Variants in FRMD5 observed in about 807,000 individuals in gnomAD.
FRMD5 encodes the protein FERM domain containing 5, also known as FERM domain-containing protein 5.
FRMD5 carries 20 observed loss-of-function variants against 69.0 expected under a neutral mutation model. That is an observed-to-expected ratio of 0.29 (90% CI 0.20 to 0.42). The LOEUF (loss-of-function observed/expected upper bound fraction) is 0.42. FRMD5 is among the 10% of genes least tolerant of loss of function. The pLI is 1.00. For synonymous variants in FRMD5, 271 were observed against 260.1 expected, an observed-to-expected ratio of 1.04 and a Z score of -0.40; for missense variants, 595 against 708.6, an observed-to-expected ratio of 0.84 and a Z score of 1.82.
At chr15:44,119,453 T>G (rs1288785342) in intron 1 of FRMD5, among the ~76,000 whole-genome samples, 2 of 152,200 alleles carry the variant, frequency 1.3e-5, no homozygotes, top group Non-Finnish European at 2.9e-5. Context: ...TTTTTCTTTC[T>G]TGTTTCCAAA....
intron 1 of FRMD5, among the ~76,000 whole-genome samples, chr15:44,158,773 C>G (rs2077566352): frequency 6.6e-6 from 1 of 152,198 alleles, no homozygotes; most frequent in South Asian, 2.1e-4. Flanking sequence ...ATTTGCATAG[C>G]TGATAGGAAG....
intron 1 of FRMD5, among the ~76,000 whole-genome samples, chr15:44,009,144 T>C (rs1890597879): frequency 6.6e-6 from 1 of 152,112 alleles, no homozygotes; most frequent in African/African-American, 2.4e-5. Context: ...CAAATAAAAA[T>C]AAGGAAATGA....
intron 1 of FRMD5, among the ~76,000 whole-genome samples, chr15:44,157,008 G>A (rs920120572): frequency 1.3e-5 from 2 of 152,040 alleles, no homozygotes; most frequent in African/African-American, 4.8e-5. Context: ...TGGAGGTCAG[G>A]GATGAGACAA....
chr15:44,049,233 AGTT>A (rs1345343012), intron 1 of FRMD5, among the ~76,000 whole-genome samples: 4 of 152,202 alleles, frequency 2.6e-5, no homozygotes, highest in African/African-American at 9.6e-5. Context: ...CTCTAACCAG[AGTT>A]GTTAAGAAGT....
At chr15:44,120,763 C>T (rs1334063782) in intron 1 of FRMD5, among the ~76,000 whole-genome samples, 1 of 151,676 alleles carries the variant, frequency 6.6e-6, no homozygotes. Flanking sequence ...CTCCTGACCT[C>T]GTGATCCGCC....
chr15:43,874,680 G>A (rs1339222333), intron 13 of FRMD5, among the ~76,000 whole-genome samples: 5 of 151,690 alleles, frequency 3.3e-5, no homozygotes, highest in African/African-American at 9.7e-5. Flanking sequence ...TGGGTGGATC[G>A]CTTGAGGTCA....
At chr15:44,131,382 T>C (rs1011742246) in intron 1 of FRMD5, among the ~76,000 whole-genome samples, 6 of 92,302 alleles carry the variant, frequency 6.5e-5, no homozygotes, top group Non-Finnish European at 1.2e-4. Flanking sequence ...TGGAAAACAA[T>C]ACGGCAATTC....
chr15:44,038,918 G>A (rs1892056791), intron 1 of FRMD5, among the ~76,000 whole-genome samples: 1 of 152,212 alleles, frequency 6.6e-6, no homozygotes, highest in African/African-American at 2.4e-5. Flanking sequence ...ATAGAGCCGA[G>A]CAAGCTAAGA....
At chr15:43,969,268 G>T (rs2090340845) in intron 1 of FRMD5, among the ~76,000 whole-genome samples, 1 of 151,924 alleles carries the variant, frequency 6.6e-6, no homozygotes, top group South Asian at 2.1e-4. Context: ...TTTTTGTAGG[G>T]ATGGGGTCTT....
intron 1 of FRMD5, among the ~76,000 whole-genome samples, chr15:43,985,872 G>A (rs1302543448): frequency 6.6e-6 from 1 of 152,200 alleles, no homozygotes; most frequent in East Asian, 1.9e-4. Context: ...ACTTCACTAA[G>A]ATGAAGTTAG....
chr15:44,183,045 A>G (rs540627966), intron 1 of FRMD5, among the ~76,000 whole-genome samples: 12 of 151,306 alleles, frequency 7.9e-5, no homozygotes, highest in Middle Eastern at 3.4e-3. Context: ...TGATCCGCCC[A>G]CCTTGGCCTC....
intron 1 of FRMD5, among the ~76,000 whole-genome samples, chr15:43,951,470 T>C (rs1013055907): frequency 6.6e-6 from 1 of 151,932 alleles, no homozygotes; most frequent in African/African-American, 2.4e-5. Context: ...CTGTTGATTG[T>C]AGTTGCCCTA....
chr15:44,163,724 G>A (rs1430541223), intron 1 of FRMD5, among the ~76,000 whole-genome samples: 2 of 152,140 alleles, frequency 1.3e-5, no homozygotes, highest in African/African-American at 2.4e-5. Flanking sequence ...ACTTAAAAGG[G>A]AATAAAGTGA....
intron 1 of FRMD5, among the ~76,000 whole-genome samples, chr15:43,993,669 A>G (rs1398206139): frequency 2.0e-5 from 3 of 152,218 alleles, no homozygotes. Flanking sequence ...TCCATTGCTT[A>G]AAGTTGGGTA....
At chr15:43,968,602 T>C (rs1180666477) in intron 1 of FRMD5, among the ~76,000 whole-genome samples, 1 of 152,254 alleles carries the variant, frequency 6.6e-6, no homozygotes, top group Non-Finnish European at 1.5e-5. Context: ...GCTTGCAGCT[T>C]TCCTAAAGGT....
At chr15:43,949,486 A>C (rs1187266101) in intron 1 of FRMD5, among the ~76,000 whole-genome samples, 3 of 152,228 alleles carry the variant, frequency 2.0e-5, no homozygotes, top group African/African-American at 7.2e-5. Context: ...GAACTCATGG[A>C]GTCTTGCTGA....
chr15:44,142,616 C>T (rs2077290322), intron 1 of FRMD5, among the ~76,000 whole-genome samples: 1 of 152,132 alleles, frequency 6.6e-6, no homozygotes, highest in Non-Finnish European at 1.5e-5. Context: ...TAAAATCTAT[C>T]ATTCACAGAA....
rs2088213612 is a variant in FRMD5 at position 43,873,286 on chromosome 15, T to C, written c.*599A>G. 2.0e-6 allele frequency: 3 copies of C among 1,535,948 alleles called. No homozygotes were observed. Among genetic ancestry groups the C allele is most frequent in the Middle Eastern group, 1.7e-4 (1 of 5,916 alleles). On this transcript the variant is annotated 3_prime_UTR_variant, in exon 14 of 14. Transcript: ENST00000417257. Reference sequence around the variant, plus strand: ...AACTCAGACCATCATAAGAAGCAACTTTCCATTTAATCATTCTACATGGAT... The same window carrying C: ...AACTCAGACCATCATAAGAAGCAACCTTCCATTTAATCATTCTACATGGAT...
At chr15:43,980,537 G>A (rs2090532268) in intron 1 of FRMD5, among the ~76,000 whole-genome samples, 1 of 152,060 alleles carries the variant, frequency 6.6e-6, no homozygotes, top group Non-Finnish European at 1.5e-5. Context: ...CTGGCCCTTG[G>A]TTCTCTTTCA....
Sources: allele counts gnomAD v4.1 joint callset (sites outside exome capture counted in the v4.1 genomes callset), GRCh38; gene constraint gnomAD v4.1.1; transcripts MANE v1.5; gene names NCBI Gene and HGNC (gene_info 2026-07-23, HGNC 2026-07-21).